KANK1: variants seen among roughly 807,000 people sequenced by gnomAD.
KANK1 encodes the protein KN motif and ankyrin repeat domain-containing protein 1.
A neutral mutation model predicts 106.2 loss-of-function variants in KANK1; 109 were observed. That is an observed-to-expected ratio of 1.03 (90% CI 0.88 to 1.20). The LOEUF (loss-of-function observed/expected upper bound fraction) is 1.20, where lower values mean the gene tolerates loss of function less well. KANK1 is among the 50% of genes most tolerant of loss of function. KANK1 has a pLI of 0.00. For synonymous variants in KANK1, 873 were observed against 652.2 expected, an observed-to-expected ratio of 1.34 and a Z score of -5.16; for missense variants, 2,399 against 1,710.7, an observed-to-expected ratio of 1.40 and a Z score of -7.10.
chr9:579,314 T>C (rs1270367597), intron 1 of KANK1, among the ~76,000 whole-genome samples: 1 of 152,124 alleles, frequency 6.6e-6, no homozygotes, highest in Non-Finnish European at 1.5e-5. Flanking sequence ...CTTTGGCTTC[T>C]AGGAACAAAA....
intron 1 of KANK1, among the ~76,000 whole-genome samples, chr9:619,872 C>T (rs1448446552): frequency 3.3e-5 from 5 of 152,042 alleles, no homozygotes; most frequent in African/African-American, 4.8e-5. Context: ...TGCAGTGACT[C>T]ACGCTTGTAA....
At chr9:561,803 A>G (rs778890761) in intron 1 of KANK1, among the ~76,000 whole-genome samples, 20 of 152,236 alleles carry the variant, frequency 1.3e-4, no homozygotes, top group Non-Finnish European at 2.1e-4. Flanking sequence ...CAGTCTTACT[A>G]TGTAAGTCAC....
chr9:639,815 A>G (rs1943463063), intron 1 of KANK1, among the ~76,000 whole-genome samples: 1 of 152,218 alleles, frequency 6.6e-6, no homozygotes, highest in Admixed American at 6.5e-5. Context: ...CAGCAGATTC[A>G]GTATCTGGTG....
intron 1 of KANK1, among the ~76,000 whole-genome samples, chr9:663,987 A>G (rs911218247): frequency 6.6e-6 from 1 of 152,016 alleles, no homozygotes; most frequent in Non-Finnish European, 1.5e-5. Context: ...ATCCTCACCC[A>G]GATCTCATCT....
At chr9:610,267 T>C (rs1479323328) in intron 1 of KANK1, among the ~76,000 whole-genome samples, 1 of 152,192 alleles carries the variant, frequency 6.6e-6, no homozygotes, top group African/African-American at 2.4e-5. Context: ...ATTATCCTAA[T>C]AAATTAGAAT....
chr9:524,982 C>CTTTT lies in KANK1; in HGVS notation c.-84+20247_-84+20250dup, dbSNP rs35377139. Among the ~76,000 whole-genome samples the CTTTT allele has an allele frequency of 1.8e-3, 169 of 91,938 alleles. 10 individuals carry two copies. Among genetic ancestry groups the CTTTT allele is most frequent in the African/African-American group, 6.7e-3 (142 of 21,318 alleles). The allele number at this position is 91,938 out of a possible 152,430, so 60.3% of individuals were successfully genotyped here. A position where few individuals can be genotyped will look rare whatever the true frequency, so the allele number is the denominator to read the frequency against. The stretch of plus-strand genomic sequence containing the variant: ...TTAGTCAATCCCAAACTCTTGCTGC[C>CTTTT]TTTTTTTTTTTTTTTTTTTTTTGAG... On this transcript the variant is annotated intron_variant, in intron 1 of 11. Transcript: ENST00000382297.
At chr9:580,139 G>T (rs964780937) in intron 1 of KANK1, among the ~76,000 whole-genome samples, 11 of 152,144 alleles carry the variant, frequency 7.2e-5, no homozygotes, top group African/African-American at 2.7e-4. Flanking sequence ...ACTGGCTTCA[G>T]GAGTGAAGCT....
intron 1 of KANK1, among the ~76,000 whole-genome samples, chr9:544,818 G>T (rs2054280780): frequency 6.6e-6 from 1 of 151,746 alleles, no homozygotes; most frequent in African/African-American, 2.4e-5. Context: ...TATTGGGTGG[G>T]GGTGGGAGGG....
chr9:502,937 C>T (rs892341971), upstream of KANK1, among the ~76,000 whole-genome samples: 4 of 150,910 alleles, frequency 2.7e-5, no homozygotes, highest in East Asian at 5.9e-4. Flanking sequence ...AGGGCTCAGG[C>T]GATCCTCCTA....
Position 605,363 on chromosome 9 carries a change from A to G in KANK1, c.-83-71527A>G, listed in dbSNP as rs75770892. Among the ~76,000 whole-genome samples, 734 of 151,824 alleles carry G rather than the reference A, an allele frequency of 4.8e-3. 29 individuals are homozygous for G. The highest frequency in any genetic ancestry group is 0.017 in the African/African-American group (684 of 41,150). ...GGAAAGATAATCACTCTCAGATAGT[A>G]AAGCATTTGCTTAGCCATATGTTAA... On this transcript the variant is annotated intron_variant, in intron 1 of 11. Transcript: ENST00000382297.
intron 1 of KANK1, among the ~76,000 whole-genome samples, chr9:580,937 G>C (rs1004780588): frequency 2.0e-5 from 3 of 152,216 alleles, no homozygotes; most frequent in African/African-American, 7.2e-5. Flanking sequence ...GCTGAGGCCT[G>C]GTGAGAATTG....
chr9:532,364 CTTTTTTTTTTTT>C (rs1187078952), intron 1 of KANK1, among the ~76,000 whole-genome samples: 1 of 81,850 alleles, frequency 1.2e-5, no homozygotes, highest in Non-Finnish European at 2.2e-5. Flanking sequence ...GCCTCAAGCA[CTTTTTTTTTTTT>C]TTTTTTTTTT....
intron 1 of KANK1, among the ~76,000 whole-genome samples, chr9:541,511 A>G (rs2060597504): frequency 6.6e-6 from 1 of 152,222 alleles, no homozygotes; most frequent in Non-Finnish European, 1.5e-5. Context: ...CAAAAGTATA[A>G]AACTACTTGA....
intron 1 of KANK1, among the ~76,000 whole-genome samples, chr9:630,417 G>T (rs1385316827): frequency 6.6e-6 from 1 of 152,060 alleles, no homozygotes; most frequent in Non-Finnish European, 1.5e-5. Flanking sequence ...CAGGCATGGT[G>T]GCGGGCGCCT....
At chr9:631,976 G>C (rs1177669592) in intron 1 of KANK1, among the ~76,000 whole-genome samples, 2 of 152,182 alleles carry the variant, frequency 1.3e-5, no homozygotes, top group Non-Finnish European at 2.9e-5. Flanking sequence ...TTAAATTACA[G>C]TATGCCATGA....
At chr9:631,474 TC>T (rs1835720847) in intron 1 of KANK1, among the ~76,000 whole-genome samples, 1 of 152,084 alleles carries the variant, frequency 6.6e-6, no homozygotes, top group African/African-American at 2.4e-5. Context: ...TATCTGTACT[TC>T]CAGCCCAGAC....
chr9:726,753 A>G (rs527997977), intron 3 of KANK1, among the ~76,000 whole-genome samples: 295 of 152,040 alleles, frequency 1.9e-3, no homozygotes, highest in Non-Finnish European at 3.5e-3. Context: ...TGAGGTCACA[A>G]GTTCAAGACC....
At chr9:536,380 A>C (rs950428301) in intron 1 of KANK1, among the ~76,000 whole-genome samples, 2 of 152,144 alleles carry the variant, frequency 1.3e-5, no homozygotes, top group Non-Finnish European at 2.9e-5. Flanking sequence ...TTTATATTAC[A>C]GTTGTGTAGA....
At chr9:691,956 G>A (rs1025580757) in intron 2 of KANK1, among the ~76,000 whole-genome samples, 5 of 152,028 alleles carry the variant, frequency 3.3e-5, no homozygotes, top group Admixed American at 2.0e-4. Flanking sequence ...CTTTGTCTAA[G>A]TACATTGGGT....
Sources: gnomAD v4.1 joint callset for allele counts (sites outside exome capture counted in the v4.1 genomes callset) on GRCh38, gnomAD v4.1.1 for gene constraint, MANE v1.5 for transcripts, NCBI Gene and HGNC (gene_info 2026-07-23, HGNC 2026-07-21) for gene names.